RCAN1: variants seen among roughly 807,000 people sequenced by gnomAD.
RCAN1 encodes the protein regulator of calcineurin 1.
Under a neutral mutation model 22.9 loss-of-function variants are expected in RCAN1, and 11 were observed. The observed-to-expected ratio is 0.48, with a 90% confidence interval of 0.30 to 0.79. The LOEUF is 0.79. Among genes scored for constraint, RCAN1 ranks in the 30% least tolerant of loss-of-function variants. The probability of loss-of-function intolerance (pLI) is 0.06; values close to 1 mark genes in which losing one functional copy is unlikely to be tolerated. For synonymous variants in RCAN1, 136 were observed against 142.3 expected (o/e 0.96, Z 0.32); for missense variants, 291 against 337.8 (o/e 0.86, Z 1.09).
intron 1 of RCAN1, among the ~76,000 whole-genome samples, chr21:34,540,939 C>A (rs888977104): frequency 6.6e-6 from 1 of 151,814 alleles, no homozygotes; most frequent in African/African-American, 2.4e-5. Context: ...GAGCCGAGAT[C>A]GCACCACTGT....
intron 1 of RCAN1, among the ~76,000 whole-genome samples, chr21:34,563,633 G>T (rs62214615): frequency 0.24 from 36,456 of 150,964 alleles, 5,103 homozygotes; most frequent in African/African-American, 0.39. Flanking sequence ...CAATGGCCAG[G>T]CACGGTGGCT....
rs2123553436 is a variant in RCAN1 at position 34,516,965 on chromosome 21, T to G, written c.*1119A>C. 6.5e-6 allele frequency: 1 copy of G among 152,768 alleles called. No individual in the cohort carries two copies. Among genetic ancestry groups the G allele is most frequent in the East Asian group, 1.9e-4 (1 of 5,192 alleles). The allele number at this position is 152,768 out of a possible 1,614,324, so 9.5% of individuals were successfully genotyped here. ...AGATCTACTATCCACTTGACATGCT[T>G]TGAATTCAAGTCCTGTTAGACATGG... is the stretch of plus-strand genomic sequence containing the variant. On this transcript the variant is annotated 3_prime_UTR_variant, in exon 4 of 4. Transcript: ENST00000313806.
chr21:34,569,525 G>GGGCCTATCAT (rs1987163007), intron 1 of RCAN1, among the ~76,000 whole-genome samples: 1 of 152,174 alleles, frequency 6.6e-6, no homozygotes, highest in Non-Finnish European at 1.5e-5. Context: ...TATGAGCTCA[G>GGGCCTATCAT]ACAGAAAGGC....
intron 1 of RCAN1, among the ~76,000 whole-genome samples, chr21:34,573,781 A>G (rs1987315721): frequency 6.6e-6 from 1 of 152,136 alleles, no homozygotes; most frequent in African/African-American, 2.4e-5. Context: ...TGTTCCCTCA[A>G]TTCTGCATCT....
At chr21:34,553,456 G>A (rs918923159) in intron 1 of RCAN1, among the ~76,000 whole-genome samples, 3 of 152,128 alleles carry the variant, frequency 2.0e-5, no homozygotes, top group Admixed American at 6.5e-5. Flanking sequence ...CACAGCTCAC[G>A]CTGGCCACTG....
At chr21:34,543,258 T>C (rs895001395) in intron 1 of RCAN1, among the ~76,000 whole-genome samples, 2 of 152,216 alleles carry the variant, frequency 1.3e-5, no homozygotes, top group Admixed American at 1.3e-4. Context: ...GCTAAGGATC[T>C]TGAGACTAGG....
At chr21:34,563,767 AAAAAT>A (rs1443439722) in intron 1 of RCAN1, among the ~76,000 whole-genome samples, 26 of 99,396 alleles carry the variant, frequency 2.6e-4, no homozygotes, top group East Asian at 1.0e-3. Flanking sequence ...AAAAAAAAAA[AAAAAT>A]ATATATATAT....
rs772539820 is a variant in RCAN1, at chr21:34,526,619, T to C, written c.253-2909A>G. The C allele has an allele frequency of 5.0e-6, 8 of 1,587,464 alleles. No individual in the cohort carries two copies. The East Asian group carries it at 1.6e-4, about 32-fold the overall frequency. ...CAGTTAATAGTCCCAGTTAGCATAA[T>C]GCTTTGAAAACTAAAGAAAATCACG... On this transcript the variant is annotated intron_variant, in intron 1 of 3. Coordinates refer to ENST00000313806, the MANE Select transcript of RCAN1 (RefSeq NM_004414.7).
At chr21:34,520,021 C>T (rs1984383022) in intron 3 of RCAN1, among the ~76,000 whole-genome samples, 1 of 152,104 alleles carries the variant, frequency 6.6e-6, no homozygotes, top group Non-Finnish European at 1.5e-5. Context: ...CTTTGCAAGT[C>T]TCTTATCTAC....
chr21:34,544,965 T>C (rs1476299745), intron 1 of RCAN1, among the ~76,000 whole-genome samples: 7 of 152,216 alleles, frequency 4.6e-5, no homozygotes, highest in Admixed American at 4.6e-4. Flanking sequence ...GGTTGAAAGA[T>C]GGAGCCCTCT....
intron 1 of RCAN1, among the ~76,000 whole-genome samples, chr21:34,540,802 T>C: frequency 6.6e-6 from 1 of 152,094 alleles, no homozygotes; most frequent in East Asian, 1.9e-4. Context: ...CTGACCAACA[T>C]GGTGAAACCC....
chr21:34,597,766 C>T (rs540797386), intron 1 of RCAN1, among the ~76,000 whole-genome samples: 47 of 152,152 alleles, frequency 3.1e-4, no homozygotes, highest in African/African-American at 1.1e-3. Context: ...GCAGGTGATA[C>T]GATTTTATAC....
rs147658480 is a variant in RCAN1 at position 34,521,358 on chromosome 21, C to T, written c.586+141G>A. On this transcript the variant is annotated intron_variant, in intron 3 of 3. Coordinates refer to ENST00000313806, the MANE Select transcript of RCAN1 (RefSeq NM_004414.7). ...ATGCTCCCAGCACAAGGGACGGTGG[C>T]GCAGAAGAATACAGAGAAGCTCACA... 4.0e-4 allele frequency: 611 copies of T among 1,530,678 alleles called. No homozygotes were observed. The African/African-American group carries it at 4.6e-3, about 11-fold the overall frequency. 94.8% of individuals were successfully genotyped at this position (1,530,678 alleles called of 1,614,324 possible).
Position 34,518,365 on chromosome 21 carries a change from C to G in RCAN1, c.587-109G>C, listed in dbSNP as rs1397916735. ...GCTGGGCCAGCTGCTCGTGACCATT[C>G]GATTGGGCTGAGAGACACAGCCAGA... On this transcript the variant is annotated intron_variant, in intron 3 of 3. Transcript: ENST00000313806. This position sits in a 1 kb window ranked among gnomAD's most constrained non-coding sequence, Gnocchi z 4.2. 6.0e-6 allele frequency: 7 copies of G among 1,176,222 alleles called. No homozygotes were observed. The African/African-American group carries it at 7.7e-5, about 13-fold the overall frequency. The allele number at this position is 1,176,222 out of a possible 1,614,324, so 72.9% of individuals were successfully genotyped here. A position where few individuals can be genotyped will look rare whatever the true frequency, so the allele number is the denominator to read the frequency against.
intron 1 of RCAN1, among the ~76,000 whole-genome samples, chr21:34,580,525 G>C (rs1371324102): frequency 6.6e-6 from 1 of 152,180 alleles, no homozygotes; most frequent in Non-Finnish European, 1.5e-5. Context: ...CACGTCCTCC[G>C]GGTTTCAGGA....
chr21:34,558,809 T>C (rs1986683634), intron 1 of RCAN1, among the ~76,000 whole-genome samples: 1 of 152,188 alleles, frequency 6.6e-6, no homozygotes. Flanking sequence ...GATCTCGCCC[T>C]GTCTGTCGCA....
At chr21:34,595,076 A>G (rs914503785) in intron 1 of RCAN1, among the ~76,000 whole-genome samples, 1 of 152,218 alleles carries the variant, frequency 6.6e-6, no homozygotes, top group Non-Finnish European at 1.5e-5. Flanking sequence ...GGTTTATGTG[A>G]GGATGAAATG....
chr21:34,565,892 G>A (rs906599390), intron 1 of RCAN1, among the ~76,000 whole-genome samples: 1 of 152,140 alleles, frequency 6.6e-6, no homozygotes, highest in Admixed American at 6.5e-5. Flanking sequence ...CTGCAAGGGC[G>A]GAGCTCACAC....
In RCAN1 at chr21:34,566,301, G is replaced by C. The variant is rs553826838; in HGVS notation, c.253-42591C>G. ...AGACCCACTCAATATTCCAGGACTAGGGTCTGTGGCAGGTTACCCTTCCTG... is the reference window on the plus strand; with the variant it reads ...AGACCCACTCAATATTCCAGGACTACGGTCTGTGGCAGGTTACCCTTCCTG... On this transcript the variant is annotated intron_variant, in intron 1 of 3. Coordinates refer to ENST00000313806, the MANE Select transcript of RCAN1 (RefSeq NM_004414.7). 2.4e-3 allele frequency among the ~76,000 whole-genome samples: 370 copies of C among 152,300 alleles called. 2 individuals are homozygous for C. The highest frequency in any genetic ancestry group is 8.6e-3 in the African/African-American group (359 of 41,566).
Sources: gnomAD v4.1 joint callset for allele counts (sites outside exome capture counted in the v4.1 genomes callset) on GRCh38, gnomAD v4.1.1 for gene constraint, Gnocchi (gnomAD v3.1) non-coding constraint, MANE v1.5 for transcripts, NCBI Gene and HGNC (gene_info 2026-07-23, HGNC 2026-07-21) for gene names.